CNBD1: variants seen among roughly 807,000 people sequenced by gnomAD.
CNBD1 encodes cyclic nucleotide binding domain containing 1, also known as cyclic nucleotide-binding domain-containing protein 1.
A neutral mutation model predicts 54.4 loss-of-function variants in CNBD1; 71 were observed. The observed-to-expected ratio is 1.30, with a 90% CI of 1.08 to 1.59. The LOEUF (loss-of-function observed/expected upper bound fraction) is 1.59. Among genes scored for constraint, CNBD1 ranks in the 40% most tolerant of loss-of-function variants. The pLI is 0.00. For missense variants in CNBD1, 659 were observed against 518.0 expected (o/e 1.27, Z -2.64); for synonymous variants, 182 against 170.7 (o/e 1.07, Z -0.51).
intron 3 of CNBD1, among the ~76,000 whole-genome samples, chr8:86,935,369 C>T (rs944419816): frequency 1.4e-4 from 22 of 152,050 alleles, no homozygotes; most frequent in Admixed American, 1.2e-3. Context: ...TAGAATTCAC[C>T]AATAGGACCA....
chr8:87,204,585 C>T lies in CNBD1; in HGVS notation c.432-1408C>T, dbSNP rs140145693. Among the ~76,000 whole-genome samples the T allele has an allele frequency of 1.9e-3, 296 of 152,202 alleles. 6 individuals carry two copies. Among genetic ancestry groups the T allele is most frequent in the African/African-American group, 6.7e-3 (277 of 41,536 alleles). ...TCAGTTAATAATACATTGCTACAAA[C>T]AAGCAGAACTAAGCAAACAAAACAG... is the stretch of plus-strand genomic sequence containing the variant. On this transcript the variant is annotated intron_variant, in intron 4 of 10. Coordinates refer to ENST00000518476, the MANE Select transcript of CNBD1 (RefSeq NM_173538.3).
chr8:87,159,891 G>T (rs934524416), intron 4 of CNBD1, among the ~76,000 whole-genome samples: 1 of 151,798 alleles, frequency 6.6e-6, no homozygotes, highest in Non-Finnish European at 1.5e-5. Context: ...ATTTAAAGGG[G>T]GTGGATATAT....
At chr8:86,991,327 T>C (rs1306505072) in intron 4 of CNBD1, among the ~76,000 whole-genome samples, 1 of 152,030 alleles carries the variant, frequency 6.6e-6, no homozygotes, top group South Asian at 2.1e-4. Flanking sequence ...TCATATATGG[T>C]TTTTATTTTT....
At chr8:87,205,970 T>C in intron 4 of CNBD1, 23 bp from the exon 5 acceptor site, 1 of 1,464,826 alleles carries the variant, frequency 6.8e-7, no homozygotes, top group Non-Finnish European at 9.0e-7. Context: ...GTCTCTGAAT[T>C]TGTATTTTTT....
At chr8:87,079,729 G>C (rs1040725676) in intron 4 of CNBD1, among the ~76,000 whole-genome samples, 1 of 151,748 alleles carries the variant, frequency 6.6e-6, no homozygotes, top group African/African-American at 2.4e-5. Flanking sequence ...CACATATTTT[G>C]TCTCACAAAT....
chr8:87,055,066 A>G (rs116225364), intron 4 of CNBD1, among the ~76,000 whole-genome samples: 24 of 152,294 alleles, frequency 1.6e-4, no homozygotes, highest in African/African-American at 5.3e-4. Flanking sequence ...GCAAGCCCAC[A>G]CTAATAAAAC....
At chr8:87,343,310 T>A (rs1313217393) in intron 8 of CNBD1, among the ~76,000 whole-genome samples, 1 of 152,192 alleles carries the variant, frequency 6.6e-6, no homozygotes, top group East Asian at 1.9e-4. Context: ...TACAAACAAT[T>A]GGTACAGTTA....
Position 87,136,943 on chromosome 8 carries a change from TTATATTTATATTCTATGTAAATTATA to T in CNBD1, c.432-68991_432-68966del, listed in dbSNP as rs1315854903. Among the ~76,000 whole-genome samples, 103 of 51,094 alleles carry T rather than the reference TTATATTTATATTCTATGTAAATTATA, an allele frequency of 2.0e-3. 1 individual carries two copies. The highest frequency in any genetic ancestry group is 9.6e-3 in the African/African-American group (84 of 8,750). 33.5% of individuals were successfully genotyped at this position (51,094 alleles called of 152,430 possible). A position where few individuals can be genotyped will look rare whatever the true frequency, so the allele number is the denominator to read the frequency against. On this transcript the variant is annotated intron_variant, in intron 4 of 10. Coordinates refer to ENST00000518476, the MANE Select transcript of CNBD1 (RefSeq NM_173538.3). ...ATTTATATTCTATGTAAATTATATA[TTATATTTATATTCTATGTAAATTATA>T]TATATTTATATTCTATGTAAATTAT...
At chr8:86,967,169 A>T (rs1465795809) in intron 4 of CNBD1, among the ~76,000 whole-genome samples, 1 of 152,174 alleles carries the variant, frequency 6.6e-6, no homozygotes, top group Non-Finnish European at 1.5e-5. Context: ...GCCTGCAGAA[A>T]AAGTGCGTGT....
chr8:87,152,439 T>TTA lies in CNBD1; in HGVS notation c.432-53554_432-53553insTA, dbSNP rs1812623950. ...TTAACAATAATGATAGCTGATGAGC[T>TTA]AAAAAAAAAAAAAAAAATCTCAAAA... On this transcript the variant is annotated intron_variant, in intron 4 of 10. Coordinates refer to ENST00000518476, the MANE Select transcript of CNBD1 (RefSeq NM_173538.3). Among the ~76,000 whole-genome samples, 5 of 138,202 alleles carry TTA rather than the reference T, an allele frequency of 3.6e-5. No individual in the cohort carries two copies. The South Asian group carries it at 1.2e-3, about 32-fold the overall frequency. 90.7% of individuals were successfully genotyped at this position (138,202 alleles called of 152,430 possible). A position where few individuals can be genotyped will look rare whatever the true frequency, so the allele number is the denominator to read the frequency against.
intron 4 of CNBD1, among the ~76,000 whole-genome samples, chr8:87,124,732 T>C (rs1241031790): frequency 1.3e-5 from 2 of 151,670 alleles, no homozygotes; most frequent in African/African-American, 4.8e-5. Context: ...TTTCCTTCAA[T>C]GTCAGAAATA....
At chr8:87,243,183 A>C (rs749678046) in intron 6 of CNBD1, among the ~76,000 whole-genome samples, 8 of 152,232 alleles carry the variant, frequency 5.3e-5, no homozygotes, top group Non-Finnish European at 1.0e-4. Context: ...CTGAGGTTTT[A>C]TCAGATATCT....
intron 5 of CNBD1, among the ~76,000 whole-genome samples, chr8:87,225,942 T>G (rs1814476323): frequency 6.6e-6 from 1 of 150,964 alleles, no homozygotes. Flanking sequence ...TATTCAGAGA[T>G]TCAACTTCTT....
At chr8:87,292,640 A>C (rs1381544351) in intron 8 of CNBD1, among the ~76,000 whole-genome samples, 1 of 152,206 alleles carries the variant, frequency 6.6e-6, no homozygotes, top group Non-Finnish European at 1.5e-5. Flanking sequence ...TGCCTCTTCC[A>C]AGCACTTCTA....
chr8:87,069,670 A>T (rs895083614), intron 4 of CNBD1, among the ~76,000 whole-genome samples: 1 of 152,092 alleles, frequency 6.6e-6, no homozygotes, highest in Non-Finnish European at 1.5e-5. Flanking sequence ...TGAACCGTGA[A>T]AACTTGGAAT....
rs34763725 is a variant in CNBD1 at position 87,220,367 on chromosome 8, G to A, written c.577+14229G>A. ...TGATTTAGTGATATCCTTTTAGGGAGAGCAAGTCCAGAAGAAGACCAGCAT... is the reference window on the plus strand; with the variant it reads ...TGATTTAGTGATATCCTTTTAGGGAAAGCAAGTCCAGAAGAAGACCAGCAT... On this transcript the variant is annotated intron_variant, in intron 5 of 10. Transcript: ENST00000518476. 1.5e-3 allele frequency among the ~76,000 whole-genome samples: 221 copies of A among 152,088 alleles called. 8 individuals carry two copies. Among genetic ancestry groups the A allele is most frequent in the Admixed American group, 0.013 (202 of 15,248 alleles).
chr8:87,332,965 T>A (rs531874684), intron 8 of CNBD1, among the ~76,000 whole-genome samples: 9 of 152,202 alleles, frequency 5.9e-5, no homozygotes, highest in Admixed American at 5.9e-4. Context: ...CTTTGGGCAG[T>A]ATGGTCATTT....
chr8:87,339,582 T>C (rs746781906), intron 8 of CNBD1, among the ~76,000 whole-genome samples: 2 of 152,136 alleles, frequency 1.3e-5, no homozygotes, highest in Non-Finnish European at 2.9e-5. Context: ...CTTCCAAGCT[T>C]CTTATATACT....
intron 4 of CNBD1, among the ~76,000 whole-genome samples, chr8:87,180,382 T>C (rs1383735260): frequency 1.3e-5 from 2 of 152,182 alleles, no homozygotes; most frequent in East Asian, 1.9e-4. Flanking sequence ...TTTCTGAAAG[T>C]AGTTTCACCA....
Sources: allele counts gnomAD v4.1 joint callset (sites outside exome capture counted in the v4.1 genomes callset), GRCh38; gene constraint gnomAD v4.1.1; transcripts MANE v1.5; gene names NCBI Gene and HGNC (gene_info 2026-07-23, HGNC 2026-07-21).